PPIL2: variants seen among roughly 807,000 people sequenced by gnomAD.
The protein encoded by PPIL2 is peptidylprolyl isomerase like 2.
In PPIL2, 50 loss-of-function variants were observed where a neutral mutation model predicts 75.2. The observed-to-expected ratio is 0.66, with a 90% CI of 0.53 to 0.84. PPIL2 has a LOEUF of 0.84. PPIL2 is among the 40% of genes least tolerant of loss of function. PPIL2 has a pLI of 0.00. For synonymous variants in PPIL2, 245 were observed against 258.8 expected, an observed-to-expected ratio of 0.95 and a Z score of 0.51; for missense variants, 590 against 685.0, an observed-to-expected ratio of 0.86 and a Z score of 1.55.
At chr22:21,671,623 G>T (rs1368292107) in intron 4 of PPIL2, among the ~76,000 whole-genome samples, 1 of 151,912 alleles carries the variant, frequency 6.6e-6, no homozygotes, top group Non-Finnish European at 1.5e-5. Flanking sequence ...GCCCAGGCTG[G>T]TCTTGAACTC....
chr22:21,673,540 G>A (rs73382368), intron 5 of PPIL2: 2,430 of 152,376 alleles, frequency 0.016, 24 homozygotes, highest in South Asian at 0.037. Context: ...CAAACTTGTC[G>A]ATTGTGCTGG....
chr22:21,697,221 C>T lies in PPIL2; in HGVS notation c.*1731C>T. ...GACACAGTGACTGCCCAGGTGTCCA[C>T]ACACCTGTAGGCCTCTGAGCCAGCG... On this transcript the variant is annotated 3_prime_UTR_variant, in exon 20 of 20. Transcript: ENST00000398831. 3 of 559,244 alleles carry T rather than the reference C, an allele frequency of 5.4e-6. No individual in the cohort carries two copies. The highest frequency in any genetic ancestry group is 9.6e-6 in the Non-Finnish European group (3 of 312,170). The allele number at this position is 559,244 out of a possible 1,614,324, so 34.6% of individuals were successfully genotyped here. A position where few individuals can be genotyped will look rare whatever the true frequency, so the allele number is the denominator to read the frequency against.
rs2067927433 is a variant in PPIL2, at chr22:21,696,296, G to A, written c.*806G>A. On this transcript the variant is annotated 3_prime_UTR_variant, in exon 20 of 20. Coordinates refer to ENST00000398831, the MANE Select transcript of PPIL2 (RefSeq NM_014337.4). ...CATCTCAAGCCTGCCTGGCGTCTCT[G>A]TGCCCCTGTGAGAATCTTGAGGGGA... 1.5e-5 allele frequency: 16 copies of A among 1,046,088 alleles called. No homozygotes were observed. The highest frequency in any genetic ancestry group is 3.3e-5 in the South Asian group (1 of 30,440). The allele number at this position is 1,046,088 out of a possible 1,614,324, so 64.8% of individuals were successfully genotyped here. A position where few individuals can be genotyped will look rare whatever the true frequency, so the allele number is the denominator to read the frequency against.
chr22:21,675,558 T>G (rs1601523547), intron 6 of PPIL2, among the ~76,000 whole-genome samples: 1 of 152,096 alleles, frequency 6.6e-6, no homozygotes, highest in Non-Finnish European at 1.5e-5. Flanking sequence ...GTCACAAGAT[T>G]TCTTCTCAAA....
chr22:21,690,417 T>C (rs1023389287), intron 15 of PPIL2, among the ~76,000 whole-genome samples: 11 of 152,040 alleles, frequency 7.2e-5, no homozygotes, highest in African/African-American at 2.4e-4. Context: ...TCAGCTGTGC[T>C]TAACAGCTGG....
chr22:21,677,930 G>A (rs1267158474), intron 6 of PPIL2, among the ~76,000 whole-genome samples: 2 of 152,192 alleles, frequency 1.3e-5, no homozygotes, highest in Non-Finnish European at 2.9e-5. Context: ...TGTGGGCATC[G>A]GGGGAGTGCA....
chr22:21,684,534 T>C lies in PPIL2; in HGVS notation c.554-219T>C, dbSNP rs925676343. On this transcript the variant is annotated intron_variant, in intron 9 of 19. Coordinates refer to ENST00000398831, the MANE Select transcript of PPIL2 (RefSeq NM_014337.4). ...TTAGAATATACAGATAAATATAAAA[T>C]ATACAAATCAACCTGAAGTCCATCC... Among the ~76,000 whole-genome samples the C allele has an allele frequency of 6.8e-5, 9 of 131,896 alleles. No individual in the cohort carries two copies. The East Asian group carries it at 1.8e-3, about 27-fold the overall frequency. The allele number at this position is 131,896 out of a possible 152,430, so 86.5% of individuals were successfully genotyped here. A position where few individuals can be genotyped will look rare whatever the true frequency, so the allele number is the denominator to read the frequency against.
chr22:21,670,753 G>T (rs2066600165), intron 3 of PPIL2, 142 bp downstream of exon 3: 13 of 1,001,716 alleles, frequency 1.3e-5, no homozygotes, highest in Non-Finnish European at 1.7e-5. Context: ...GGGAGAAGAT[G>T]CAGAGTCCTC....
intron 15 of PPIL2, among the ~76,000 whole-genome samples, chr22:21,689,788 A>G (rs1481610391): frequency 6.6e-6 from 1 of 152,156 alleles, no homozygotes; most frequent in African/African-American, 2.4e-5. Flanking sequence ...GGCTGTTTTT[A>G]GGAGGGTGGC....
intron 1 of PPIL2, chr22:21,669,410 A>G (rs2066535366): frequency 2.2e-6 from 1 of 449,866 alleles, no homozygotes; most frequent in South Asian, 1.6e-5. Flanking sequence ...TGGCCTCCCA[A>G]ACTGTTGGGA....
chr22:21,676,312 TGTGTG>T (rs1569024042), intron 6 of PPIL2, among the ~76,000 whole-genome samples: 2 of 147,306 alleles, frequency 1.4e-5, no homozygotes, highest in African/African-American at 5.0e-5. Flanking sequence ...ATTTATTTTG[TGTGTG>T]TGTGTGTGTG....
intron 15 of PPIL2, among the ~76,000 whole-genome samples, chr22:21,692,427 T>A: frequency 6.6e-6 from 1 of 151,884 alleles, no homozygotes; most frequent in Non-Finnish European, 1.5e-5. Context: ...GTGCTGGGAT[T>A]ACAGGCGTGA....
At chr22:21,684,944 A>AAGCCCC in intron 10 of PPIL2, 31 bp downstream of exon 10, 3 of 1,608,930 alleles carry the variant, frequency 1.9e-6, no homozygotes, top group East Asian at 2.2e-5. Flanking sequence ...GGCCAAGCCC[A>AAGCCCC]AGCCCCGTCT....
rs898759367 is a variant in PPIL2, at chr22:21,686,779, C to T, written c.791-113C>T. 13 of 1,156,020 alleles carry T rather than the reference C, an allele frequency of 1.1e-5. No homozygotes were observed. In the East Asian group the frequency reaches 1.6e-4, roughly 15 times the overall value. 71.6% of individuals were successfully genotyped at this position (1,156,020 alleles called of 1,614,324 possible). On this transcript the variant is annotated intron_variant, in intron 11 of 19. Transcript: ENST00000398831. Reference sequence around the variant, plus strand: ...ACCCTCGGCCTCCAGCTCCCCTGCTCTCCCCAGAGCTGGAGCCTAGTCCCC... The same window carrying T: ...ACCCTCGGCCTCCAGCTCCCCTGCTTTCCCCAGAGCTGGAGCCTAGTCCCC...
rs1484387682 is a variant in PPIL2, at chr22:21,697,248, C to T, written c.*1758C>T. Reference sequence around the variant, plus strand: ...CACCTGTAGGCCTCTGAGCCAGCGTCCAGGGTACAGGTGCGGGTGGTGGGG... The same window carrying T: ...CACCTGTAGGCCTCTGAGCCAGCGTTCAGGGTACAGGTGCGGGTGGTGGGG... On this transcript the variant is annotated 3_prime_UTR_variant, in exon 20 of 20. Coordinates refer to ENST00000398831, the MANE Select transcript of PPIL2 (RefSeq NM_014337.4). The T allele has an allele frequency of 3.9e-6, 2 of 508,054 alleles. No homozygotes were observed. Among genetic ancestry groups the T allele is most frequent in the Non-Finnish European group, 7.1e-6 (2 of 280,522 alleles). The allele number at this position is 508,054 out of a possible 1,614,324, so 31.5% of individuals were successfully genotyped here. A position where few individuals can be genotyped will look rare whatever the true frequency, so the allele number is the denominator to read the frequency against.
chr22:21,675,013 T>C, intron 5 of PPIL2, 51 bp from the exon 6 acceptor site: 1 of 1,486,026 alleles, frequency 6.7e-7, no homozygotes, highest in South Asian at 1.1e-5. Context: ...AGCATCTCTG[T>C]GCATCAGTTA....
At chr22:21,667,116 C>A (rs977534175) in intron 1 of PPIL2, among the ~76,000 whole-genome samples, 2 of 144,982 alleles carry the variant, frequency 1.4e-5, no homozygotes, top group Non-Finnish European at 3.0e-5. Flanking sequence ...CCAGCGACTT[C>A]TTGTTGCTAA....
chr22:21,667,238 C>T (rs2066427695), intron 1 of PPIL2, among the ~76,000 whole-genome samples: 1 of 149,620 alleles, frequency 6.7e-6, no homozygotes, highest in East Asian at 2.0e-4. Context: ...CTCACCGCAA[C>T]CTCCGCTTCC....
chr22:21,693,240 G>T (rs1041948155), intron 15 of PPIL2, among the ~76,000 whole-genome samples: 5 of 152,006 alleles, frequency 3.3e-5, no homozygotes, highest in South Asian at 2.1e-4. Flanking sequence ...TAGGGACAGG[G>T]TTTTACCATG....
Sources: gnomAD v4.1 joint callset for allele counts (sites outside exome capture counted in the v4.1 genomes callset) on GRCh38, gnomAD v4.1.1 for gene constraint, MANE v1.5 for transcripts, NCBI Gene and HGNC (gene_info 2026-07-23, HGNC 2026-07-21) for gene names.